MMD: variants seen among roughly 807,000 people sequenced by gnomAD.
MMD encodes the protein monocyte to macrophage differentiation associated, also known as monocyte to macrophage differentiation factor.
MMD carries 22 observed loss-of-function variants against 33.6 expected under a neutral mutation model. The ratio of observed to expected loss-of-function variants is 0.66; its 90% CI spans 0.47 to 0.94. The LOEUF (loss-of-function observed/expected upper bound fraction) is 0.94, where lower values mean the gene tolerates loss of function less well. Among genes scored for constraint, MMD ranks in the 40% least tolerant of loss-of-function variants. The pLI is 0.00. For missense variants in MMD, 242 were observed against 309.8 expected, an observed-to-expected ratio of 0.78 and a Z score of 1.64; for synonymous variants, 97 against 103.2, an observed-to-expected ratio of 0.94 and a Z score of 0.36.
At position 55,407,640 on chromosome 17, in the gene MMD, T is replaced by C. The variant is rs781393865; in HGVS notation, c.344+106A>G. ...GTGTTCAGGAGGAGGGAAGGTGGTG[T>C]ACACATGAGGGCTGAGGGTGGGGAC... On this transcript the variant is annotated intron_variant, in intron 4 of 6. Transcript: ENST00000262065. 1.7e-4 allele frequency: 164 copies of C among 960,074 alleles called. 1 individual carries two copies. The highest frequency in any genetic ancestry group is 2.4e-4 in the Non-Finnish European group (153 of 637,352). The allele number at this position is 960,074 out of a possible 1,614,324, so 59.5% of individuals were successfully genotyped here.
chr17:55,403,893 A>G, intron 4 of MMD, 25 bp from the exon 5 acceptor site: 2 of 1,534,948 alleles, frequency 1.3e-6, no homozygotes, highest in Non-Finnish European at 1.8e-6. Flanking sequence ...GTGACAACAA[A>G]GAACAGAAGT....
chr17:55,395,442 G>C (rs1907064173), intron 6 of MMD, among the ~76,000 whole-genome samples: 1 of 152,240 alleles, frequency 6.6e-6, no homozygotes, highest in South Asian at 2.1e-4. Flanking sequence ...AGGTGTGTGG[G>C]TGTCCTAGAG....
chr17:55,420,826 C>T lies in MMD; in HGVS notation c.26+844G>A, dbSNP rs765235343. Among the ~76,000 whole-genome samples the T allele has an allele frequency of 3.7e-4, 57 of 152,322 alleles. 1 individual carries two copies. The highest frequency in any genetic ancestry group is 6.5e-4 in the Non-Finnish European group (44 of 68,026). On this transcript the variant is annotated intron_variant, in intron 1 of 6. Transcript: ENST00000262065. ...AAAAGCCCGGAGTTCCTCTCAGAGT[C>T]ATGGGCTAACCTCCATCCATTGTTA...
intron 1 of MMD, among the ~76,000 whole-genome samples, chr17:55,415,633 G>T (rs1225877715): frequency 6.6e-6 from 1 of 152,106 alleles, no homozygotes; most frequent in South Asian, 2.1e-4. Context: ...GCCTGTTATC[G>T]TTAGATCAAA....
At chr17:55,415,492 G>A (rs1164861123) in intron 1 of MMD, among the ~76,000 whole-genome samples, 3 of 152,094 alleles carry the variant, frequency 2.0e-5, no homozygotes, top group Non-Finnish European at 4.4e-5. Flanking sequence ...AATAAAAAAT[G>A]GTACAGGGCT....
intron 4 of MMD, chr17:55,404,897 A>C (rs1419199919): frequency 2.5e-5 from 7 of 280,650 alleles, no homozygotes; most frequent in Non-Finnish European, 2.2e-5. Flanking sequence ...CCCAGTCTCT[A>C]CTAAAAATAC....
At chr17:55,403,657 T>C (rs1907432038) in intron 5 of MMD, 110 bp downstream of exon 5, 2 of 666,678 alleles carry the variant, frequency 3.0e-6, no homozygotes, top group Non-Finnish European at 5.0e-6. Flanking sequence ...ATATTCTATA[T>C]ATGTATTTCT....
chr17:55,408,944 T>C (rs1395023660), intron 3 of MMD, among the ~76,000 whole-genome samples: 6 of 152,146 alleles, frequency 3.9e-5, no homozygotes, highest in African/African-American at 1.4e-4. Flanking sequence ...GAGGTGGCAG[T>C]GAGCTGAGAT....
At chr17:55,419,674 A>G (rs1452501290) in intron 1 of MMD, among the ~76,000 whole-genome samples, 1 of 152,210 alleles carries the variant, frequency 6.6e-6, no homozygotes, top group Non-Finnish European at 1.5e-5. Context: ...CTTTTTGTTT[A>G]TAGGCTTTAT....
At chr17:55,405,384 A>C (rs1423024479) in intron 4 of MMD, among the ~76,000 whole-genome samples, 1 of 151,634 alleles carries the variant, frequency 6.6e-6, no homozygotes, top group Admixed American at 6.6e-5. Context: ...TCAAAGAAAA[A>C]AAAAAAAAAA....
intron 1 of MMD, among the ~76,000 whole-genome samples, chr17:55,416,787 T>C (rs759741262): frequency 6.6e-6 from 1 of 152,170 alleles, no homozygotes. Flanking sequence ...ACATCTCTAT[T>C]TAAAGCGGAG....
At chr17:55,398,926 G>A (rs2143121116) in intron 6 of MMD, among the ~76,000 whole-genome samples, 1 of 152,302 alleles carries the variant, frequency 6.6e-6, no homozygotes, top group Admixed American at 6.5e-5. Flanking sequence ...TGCAACTGGA[G>A]CTTGCAGAGT....
intron 6 of MMD, among the ~76,000 whole-genome samples, chr17:55,398,844 G>C (rs1907221881): frequency 6.6e-6 from 1 of 152,162 alleles, no homozygotes; most frequent in African/African-American, 2.4e-5. Context: ...TGCTTGGTTG[G>C]AACTTCAATG....
chr17:55,399,432 G>C (rs534925530), intron 6 of MMD, among the ~76,000 whole-genome samples: 1 of 152,256 alleles, frequency 6.6e-6, no homozygotes, highest in Non-Finnish European at 1.5e-5. Flanking sequence ...TTTATTACAA[G>C]ACTTGTGCTA....
chr17:55,421,303 C>T (rs868188324), intron 1 of MMD, among the ~76,000 whole-genome samples: 1 of 152,202 alleles, frequency 6.6e-6, no homozygotes, highest in African/African-American at 2.4e-5. Context: ...GGGCGGTGCC[C>T]GGGGCTGGGG....
chr17:55,409,630 G>A (rs187174566), intron 3 of MMD, among the ~76,000 whole-genome samples: 1 of 152,030 alleles, frequency 6.6e-6, no homozygotes, highest in African/African-American at 2.4e-5. Context: ...CTTAAATAAG[G>A]CTTTTTTGAT....
chr17:55,411,470 G>T, intron 2 of MMD, 53 bp from the exon 3 acceptor site: 1 of 1,529,980 alleles, frequency 6.5e-7, no homozygotes, highest in Non-Finnish European at 8.8e-7. Context: ...TTATGGAATT[G>T]AGTCTTTTAC....
chr17:55,397,503 C>T lies in MMD; in HGVS notation c.517-2969G>A, dbSNP rs547656990. ...CAGGGTTTTTTTGTTTTTTCCTTTC[C>T]GCATTTTATTTATTTATTTATTTTA... On this transcript the variant is annotated intron_variant, in intron 6 of 6. Transcript: ENST00000262065. Among the ~76,000 whole-genome samples, 8 of 151,382 alleles carry T rather than the reference C, an allele frequency of 5.3e-5. No homozygotes were observed. The East Asian group carries it at 1.6e-3, about 29-fold the overall frequency.
intron 6 of MMD, among the ~76,000 whole-genome samples, chr17:55,395,920 C>T (rs142033523): frequency 1.7e-3 from 253 of 152,282 alleles, no homozygotes; most frequent in Non-Finnish European, 3.1e-3. Flanking sequence ...CACAGGGACT[C>T]CCAAATAGTA....
Sources: gnomAD v4.1 joint callset for allele counts (sites outside exome capture counted in the v4.1 genomes callset) on GRCh38, gnomAD v4.1.1 for gene constraint, MANE v1.5 for transcripts, NCBI Gene and HGNC (gene_info 2026-07-23, HGNC 2026-07-21) for gene names.